Variants in SLAIN1 observed in about 807,000 individuals in gnomAD.
SLAIN1 encodes the protein SLAIN family member 1.
SLAIN1 carries 17 observed loss-of-function variants against 55.4 expected under a neutral mutation model. That is an observed-to-expected ratio of 0.31 (90% confidence interval 0.21 to 0.46). SLAIN1 has a LOEUF of 0.46. Among genes scored for constraint, SLAIN1 ranks in the 20% least tolerant of loss-of-function variants. The pLI is 1.00. For synonymous variants in SLAIN1, 348 were observed against 337.4 expected, an observed-to-expected ratio of 1.03 and a Z score of -0.35; for missense variants, 682 against 785.1, an observed-to-expected ratio of 0.87 and a Z score of 1.57.
intron 5 of SLAIN1, among the ~76,000 whole-genome samples, chr13:77,756,374 AAT>A (rs1387934381): frequency 6.6e-6 from 1 of 152,064 alleles, no homozygotes; most frequent in Non-Finnish European, 1.5e-5. Context: ...TCAGGTCTTT[AAT>A]ATCAGTGAAG....
intron 5 of SLAIN1, among the ~76,000 whole-genome samples, chr13:77,758,321 G>A (rs546428069): frequency 6.6e-6 from 1 of 151,972 alleles, no homozygotes; most frequent in East Asian, 1.9e-4. Flanking sequence ...GTAGATTCTA[G>A]CTATTAGTCC....
chr13:77,701,013 GT>G (rs1009133900), intron 1 of SLAIN1, among the ~76,000 whole-genome samples: 2 of 151,854 alleles, frequency 1.3e-5, no homozygotes, highest in African/African-American at 2.4e-5. Context: ...ATACACATCA[GT>G]TTTTTTTAAC....
At chr13:77,727,041 C>T (rs1452466243) in intron 2 of SLAIN1, among the ~76,000 whole-genome samples, 1 of 152,116 alleles carries the variant, frequency 6.6e-6, no homozygotes. Flanking sequence ...TTAAAATCTC[C>T]TGGCATCTCT....
Position 77,698,053 on chromosome 13 carries a change from G to A in SLAIN1, c.140G>A (p.Arg47Gln), listed in dbSNP as rs1284335718. The change falls in exon 1 of 7, where the codon CGG (arginine) becomes CAG (glutamine). Residue 47 changes from arginine to glutamine, a missense_variant. Physicochemically the swap from Arg to Gln is conservative, Grantham distance 43. This residue lies in a region of SLAIN1 where 401 missense variants were observed against 417.3 expected (regional missense o/e 0.96). Coordinates refer to ENST00000418532, the MANE Select transcript of SLAIN1 (RefSeq NM_001242868.2). The surrounding 1 kb of genome is among the most constrained non-coding windows in gnomAD (Gnocchi z 4.1). ...CTGGAGAAGCAGAACGAGCAGCTGC[G>A]GAGTCGAGCGGCCAGCGCGGCCGCC... ...RKLEKQNEQL[R>Q]SRAASAAAAP... 4 of 1,371,924 alleles carry A rather than the reference G, an allele frequency of 2.9e-6. No homozygotes were observed. In the African/African-American group the frequency reaches 4.6e-5, roughly 16 times the overall value. The allele number at this position is 1,371,924 out of a possible 1,614,324, so 85.0% of individuals were successfully genotyped here. A position where few individuals can be genotyped will look rare whatever the true frequency, so the allele number is the denominator to read the frequency against.
intron 1 of SLAIN1, among the ~76,000 whole-genome samples, chr13:77,701,477 G>T (rs999812340): frequency 1.3e-5 from 2 of 151,950 alleles, no homozygotes; most frequent in African/African-American, 4.8e-5. Flanking sequence ...AGGTCTTTGA[G>T]ATCATTTTTC....
At chr13:77,752,703 C>A (rs550993091) in intron 4 of SLAIN1, among the ~76,000 whole-genome samples, 48 of 152,260 alleles carry the variant, frequency 3.2e-4, no homozygotes, top group African/African-American at 1.0e-3. Context: ...GAGATCCTGG[C>A]AAACCACTGA....
chr13:77,727,071 A>G (rs2091313943), intron 2 of SLAIN1, among the ~76,000 whole-genome samples: 1 of 152,196 alleles, frequency 6.6e-6, no homozygotes, highest in African/African-American at 2.4e-5. Context: ...GTCTGTTGGT[A>G]TAAAGTTAAC....
intron 4 of SLAIN1, among the ~76,000 whole-genome samples, 183 bp downstream of exon 4, chr13:77,747,038 T>G (rs762276880): frequency 5.3e-5 from 8 of 152,178 alleles, no homozygotes; most frequent in Non-Finnish European, 1.0e-4. Flanking sequence ...ACGATTCTCC[T>G]GCCTCAGCCT....
intron 2 of SLAIN1, chr13:77,741,536 T>A: frequency 1.7e-6 from 1 of 590,416 alleles, no homozygotes; most frequent in Non-Finnish European, 2.1e-6. Flanking sequence ...GAAAGTGTTG[T>A]CATTGCGAAT....
intron 1 of SLAIN1, among the ~76,000 whole-genome samples, chr13:77,714,567 T>C (rs990933345): frequency 2.0e-5 from 3 of 152,132 alleles, no homozygotes; most frequent in African/African-American, 7.2e-5. Context: ...GAGGTGTGTT[T>C]GTCCCACTGC....
intron 1 of SLAIN1, among the ~76,000 whole-genome samples, chr13:77,708,460 C>G (rs899448722): frequency 4.6e-5 from 7 of 152,150 alleles, no homozygotes; most frequent in African/African-American, 1.7e-4. Flanking sequence ...CAAGCTCAGA[C>G]AGAAACATGA....
intron 2 of SLAIN1, among the ~76,000 whole-genome samples, chr13:77,738,263 C>CAT (rs917042921): frequency 1.3e-4 from 20 of 150,514 alleles, no homozygotes; most frequent in African/African-American, 2.4e-4. Context: ...TATACATATA[C>CAT]ATATATATAT....
At chr13:77,762,552 C>T (rs560661743) in intron 6 of SLAIN1, among the ~76,000 whole-genome samples, 1 of 151,966 alleles carries the variant, frequency 6.6e-6, no homozygotes, top group African/African-American at 2.4e-5. Flanking sequence ...GTGCATATCA[C>T]CACTCCCAGA....
At chr13:77,738,899 G>A (rs945146065) in intron 2 of SLAIN1, among the ~76,000 whole-genome samples, 21 of 152,070 alleles carry the variant, frequency 1.4e-4, no homozygotes, top group African/African-American at 4.8e-4. Context: ...TGCAGGAAAT[G>A]GCAGCATTTC....
chr13:77,749,237 G>A (rs1874042477), intron 4 of SLAIN1, among the ~76,000 whole-genome samples: 1 of 152,118 alleles, frequency 6.6e-6, no homozygotes, highest in Admixed American at 6.5e-5. Context: ...TGCTTTTGTA[G>A]TTCCTACACT....
chr13:77,697,939 C>G lies in SLAIN1; in HGVS notation c.26C>G (p.Ala9Gly), dbSNP rs2090990010. The change falls in exon 1 of 7, where the codon GCC becomes GGC. Residue 9 changes from alanine (A) to glycine (G), a missense_variant. Around this residue, in one of 3 missense-constraint regions of SLAIN1, gnomAD observed 401 missense variants for 417.3 expected, o/e 0.96. Coordinates refer to ENST00000418532, the MANE Select transcript of SLAIN1 (RefSeq NM_001242868.2). ...ATGATGGCGGAGCAGGTGAAATGCG[C>G]CTCGGCAGGGGTCAGCTCTGGAGCG... Reference protein sequence around the residue: MMAEQVKCASAGVSSGAGS... With the variant: MMAEQVKCGSAGVSSGAGS... 7.0e-7 allele frequency: 1 copy of G among 1,429,872 alleles called. No homozygotes were observed. The highest frequency in any genetic ancestry group is 9.2e-7 in the Non-Finnish European group (1 of 1,083,056). The allele number at this position is 1,429,872 out of a possible 1,614,324, so 88.6% of individuals were successfully genotyped here. A position where few individuals can be genotyped will look rare whatever the true frequency, so the allele number is the denominator to read the frequency against.
chr13:77,760,238 T>G (rs1874909010), intron 5 of SLAIN1, among the ~76,000 whole-genome samples: 1 of 152,206 alleles, frequency 6.6e-6, no homozygotes, highest in African/African-American at 2.4e-5. Context: ...GTTGGATCAG[T>G]ATATTGATGA....
chr13:77,715,201 ATTTG>A (rs1220042371), intron 1 of SLAIN1, among the ~76,000 whole-genome samples: 4 of 152,012 alleles, frequency 2.6e-5, no homozygotes, highest in South Asian at 2.1e-4. Flanking sequence ...GTACTCTTCC[ATTTG>A]TTTGTTTTGG....
chr13:77,742,441 T>C (rs1457504314), intron 2 of SLAIN1, among the ~76,000 whole-genome samples: 1 of 152,004 alleles, frequency 6.6e-6, no homozygotes, highest in Non-Finnish European at 1.5e-5. Context: ...TACACTGTTT[T>C]TCCTTTAAAC....
Sources: gnomAD v4.1 joint callset for allele counts (sites outside exome capture counted in the v4.1 genomes callset) on GRCh38, gnomAD v4.1.1 for gene constraint, gnomAD v4.1.1 regional missense constraint, Gnocchi (gnomAD v3.1) non-coding constraint, MANE v1.5 for transcripts, NCBI Gene and HGNC (gene_info 2026-07-23, HGNC 2026-07-21) for gene names.